Variants in DOCK11 observed in about 807,000 individuals in gnomAD.
DOCK11 encodes dedicator of cytokinesis protein 11.
In DOCK11, 70 loss-of-function variants were observed where a neutral mutation model predicts 169.1. The ratio of observed to expected loss-of-function variants is 0.41; its 90% CI spans 0.34 to 0.51. The LOEUF (loss-of-function observed/expected upper bound fraction) is 0.51, where lower values mean the gene tolerates loss of function less well. Ranked by LOEUF, DOCK11 falls within the 20% of genes least tolerant of loss-of-function variation. The pLI, the probability that DOCK11 is intolerant of heterozygous loss-of-function variation, is 0.10. For synonymous variants in DOCK11, 529 were observed against 541.3 expected, an observed-to-expected ratio of 0.98 and a Z score of 0.32; for missense variants, 1,166 against 1,538.8, an observed-to-expected ratio of 0.76 and a Z score of 4.05.
intron 7 of DOCK11, 76 bp downstream of exon 7, chrX:118,561,593 G>A: frequency 2.9e-6 from 3 of 1,033,890 alleles, no homozygotes; most frequent in Non-Finnish European, 3.8e-6. Context: ...AGATGGTTGG[G>A]TGGGGTGGCT....
At chrX:118,596,952 T>G (rs2014185757) in intron 20 of DOCK11, among the ~76,000 whole-genome samples, 1 of 111,406 alleles carries the variant, frequency 9.0e-6, no homozygotes, top group Non-Finnish European at 1.9e-5. Flanking sequence ...TACCCTAGGG[T>G]TGCCATAAGA....
intron 1 of DOCK11, among the ~76,000 whole-genome samples, chrX:118,536,075 A>C (rs1253874196): frequency 9.0e-6 from 1 of 111,704 alleles, no homozygotes; most frequent in Non-Finnish European, 1.9e-5. Context: ...TGATGGGTGG[A>C]TCACTTGACC....
intron 34 of DOCK11, among the ~76,000 whole-genome samples, chrX:118,628,823 C>T (rs2015170096): frequency 8.9e-6 from 1 of 112,556 alleles, no homozygotes; most frequent in South Asian, 3.6e-4. Context: ...AAAGTTTTGC[C>T]ATGTTGTTAT....
intron 9 of DOCK11, 53 bp from the exon 10 acceptor site, chrX:118,568,026 T>C: frequency 1.5e-6 from 1 of 680,165 alleles, no homozygotes; most frequent in Non-Finnish European, 2.2e-6. Context: ...TAAATAGTAT[T>C]TAACACTGTT....
chrX:118,506,420 C>T (rs1290082440), intron 1 of DOCK11, among the ~76,000 whole-genome samples: 1 of 111,891 alleles, frequency 8.9e-6, no homozygotes, highest in South Asian at 3.7e-4. Context: ...ATTCCCAGCA[C>T]TTTGAGAGGC....
chrX:118,619,366 C>T (rs2014905360), intron 31 of DOCK11, among the ~76,000 whole-genome samples: 1 of 101,743 alleles, frequency 9.8e-6, no homozygotes, highest in African/African-American at 3.6e-5. Context: ...CTTAGTTACT[C>T]GGGAGGCTGA....
At chrX:118,558,224 C>T (rs1316396544) in intron 6 of DOCK11, among the ~76,000 whole-genome samples, 3 of 110,371 alleles carry the variant, frequency 2.7e-5, no homozygotes, top group South Asian at 3.8e-4. Flanking sequence ...TCACCCACCT[C>T]GGCCTCCCAA....
chrX:118,502,765 AAAAC>A (rs368935002), intron 1 of DOCK11, among the ~76,000 whole-genome samples: 31,673 of 109,519 alleles, frequency 0.29, 3,960 homozygotes, highest in Middle Eastern at 0.46. Flanking sequence ...TGGCCAAAAC[AAAAC>A]AAACAAACAA....
rs774858699 is a variant in DOCK11 at position 118,650,255 on chromosome X, A to G, written c.4581+1128A>G. 6.2e-5 allele frequency among the ~76,000 whole-genome samples: 7 copies of G among 112,292 alleles called. No individual in the cohort carries two copies. In the Admixed American group the frequency reaches 6.6e-4, roughly 11 times the overall value. On this transcript the variant is annotated intron_variant, in intron 41 of 52. Transcript: ENST00000276202. ...TTAAAATAAGGCGTGTATAGTGCCTATAGTGCCTGACACAATGTGTAGCAC... is the reference window on the plus strand; with the variant it reads ...TTAAAATAAGGCGTGTATAGTGCCTGTAGTGCCTGACACAATGTGTAGCAC...
At chrX:118,662,582 A>C in intron 44 of DOCK11, 104 bp from the exon 45 acceptor site, 2 of 430,845 alleles carry the variant, frequency 4.6e-6, no homozygotes, top group Non-Finnish European at 8.0e-6. Flanking sequence ...TGATTCTTAC[A>C]AAAATAATGT....
chrX:118,541,092 A>T (rs1216717282), intron 1 of DOCK11, among the ~76,000 whole-genome samples: 1 of 111,048 alleles, frequency 9.0e-6, no homozygotes, highest in Non-Finnish European at 1.9e-5. Flanking sequence ...ATAAAAGAAA[A>T]TCCCTGCCCT....
At chrX:118,518,004 G>A (rs1418578733) in intron 1 of DOCK11, among the ~76,000 whole-genome samples, 1 of 111,676 alleles carries the variant, frequency 9.0e-6, no homozygotes, top group Non-Finnish European at 1.9e-5. Flanking sequence ...GTTGATACTG[G>A]AGTTCTCTTT....
At chrX:118,565,103 T>A (rs1490110786) in intron 7 of DOCK11, among the ~76,000 whole-genome samples, 1 of 108,437 alleles carries the variant, frequency 9.2e-6, no homozygotes, top group Non-Finnish European at 1.9e-5. Context: ...GCCTGGCTAT[T>A]TTTTTTTGTA....
chrX:118,567,985 C>A, intron 9 of DOCK11, 94 bp from the exon 10 acceptor site: 1 of 412,354 alleles, frequency 2.4e-6, no homozygotes, highest in Non-Finnish European at 4.0e-6. Flanking sequence ...GAAGCTGTGA[C>A]AGATTGATAG....
intron 46 of DOCK11, among the ~76,000 whole-genome samples, chrX:118,672,672 T>G (rs888800773): frequency 1.8e-5 from 2 of 112,888 alleles, no homozygotes; most frequent in Admixed American, 1.9e-4. Context: ...CCTGACCTTG[T>G]GATGCGCCCG....
chrX:118,659,237 G>A (rs1225616578), intron 44 of DOCK11, among the ~76,000 whole-genome samples: 1 of 111,030 alleles, frequency 9.0e-6, no homozygotes, highest in Non-Finnish European at 1.9e-5. Context: ...CAGGGTTATG[G>A]TCTCTATCTG....
Position 118,680,654 on chromosome X carries a change from G to A in DOCK11, c.5633G>A (p.Cys1878Tyr), listed in dbSNP as rs767266561. ...PYTLSGKKQG[C>Y]IEEQCKRRTI... ...ACTTTATCAGGCAAAAAACAGGGCT[G>A]TATAGAAGAACAGTGCAAACGCCGT... Residue 1878 changes from cysteine (C) to tyrosine (Y), a missense_variant, in exon 49 of 53, where the codon TGT (cysteine) becomes TAT (tyrosine). Cys to Tyr is a radical substitution (Grantham distance 194). Coordinates refer to ENST00000276202, the MANE Select transcript of DOCK11 (RefSeq NM_144658.4). 3 of 1,206,760 alleles carry A rather than the reference G, an allele frequency of 2.5e-6. No individual in the cohort carries two copies. Among genetic ancestry groups the A allele is most frequent in the Non-Finnish European group, 3.4e-6 (3 of 892,828 alleles).
At chrX:118,685,058 A>C (rs1181585972) in intron 52 of DOCK11, among the ~76,000 whole-genome samples, 2 of 111,838 alleles carry the variant, frequency 1.8e-5, no homozygotes, top group African/African-American at 6.5e-5. Flanking sequence ...TTTAGATTAC[A>C]CAAAATGGAT....
intron 8 of DOCK11, 143 bp downstream of exon 8, chrX:118,566,325 T>C: frequency 1.6e-6 from 1 of 617,334 alleles, no homozygotes; most frequent in Non-Finnish European, 2.5e-6. Flanking sequence ...TGGAGGTTGA[T>C]AGACTTTTTT....
Sources: gnomAD v4.1 joint callset for allele counts (sites outside exome capture counted in the v4.1 genomes callset) on GRCh38, gnomAD v4.1.1 for gene constraint, MANE v1.5 for transcripts, NCBI Gene and HGNC (gene_info 2026-07-23, HGNC 2026-07-21) for gene names.